Variants in DPP6 observed in about 807,000 individuals in gnomAD.
DPP6 encodes the protein dipeptidyl peptidase like 6, also known as A-type potassium channel modulatory protein DPP6.
In DPP6, 69 loss-of-function variants were observed where a neutral mutation model predicts 122.6. The ratio of observed to expected loss-of-function variants is 0.56; its 90% CI spans 0.46 to 0.69. DPP6 has a LOEUF of 0.69. Among genes scored for constraint, DPP6 ranks in the 30% least tolerant of loss-of-function variants. DPP6 has a pLI of 0.00. For synonymous variants in DPP6, 418 were observed against 433.1 expected (o/e 0.97, Z 0.43); for missense variants, 928 against 1,116.9 (o/e 0.83, Z 2.41).
At chr7:154,587,309 G>A (rs78982407) in intron 5 of DPP6, 3,767 of 324,936 alleles carry the variant, frequency 0.012, 34 homozygotes, top group Non-Finnish European at 0.015. Flanking sequence ...GCTAAATTGG[G>A]TGATCTGCCT....
intron 1 of DPP6, among the ~76,000 whole-genome samples, chr7:154,107,137 A>G (rs1806222474): frequency 2.0e-5 from 3 of 152,198 alleles, no homozygotes; most frequent in African/African-American, 4.8e-5. Context: ...CTGCACTCCC[A>G]TGCTCACTGC....
chr7:154,398,993 G>T (rs1485239652), intron 1 of DPP6, among the ~76,000 whole-genome samples: 1 of 152,190 alleles, frequency 6.6e-6, no homozygotes, highest in Non-Finnish European at 1.5e-5. Flanking sequence ...ACGCCTTTAT[G>T]TAAGCTGTTG....
chr7:153,763,024 G>C, the DPP6 span, among the ~76,000 whole-genome samples: 1 of 152,148 alleles, frequency 6.6e-6, no homozygotes, highest in African/African-American at 2.4e-5. Context: ...GCCGTGCATG[G>C]TCATGAGCAG....
chr7:154,689,990 G>T (rs112490615), intron 7 of DPP6, among the ~76,000 whole-genome samples: 2 of 152,062 alleles, frequency 1.3e-5, no homozygotes, highest in African/African-American at 4.8e-5. Context: ...TACATCTTTC[G>T]CATGTCAAGT....
intron 1 of DPP6, among the ~76,000 whole-genome samples, chr7:153,937,179 C>T (rs1801487304): frequency 6.6e-6 from 1 of 152,144 alleles, no homozygotes; most frequent in Non-Finnish European, 1.5e-5. Flanking sequence ...TAGGGCCACC[C>T]TTAGGATAGC....
At chr7:154,381,407 C>T (rs1813593792) in intron 1 of DPP6, among the ~76,000 whole-genome samples, 1 of 152,208 alleles carries the variant, frequency 6.6e-6, no homozygotes, top group Non-Finnish European at 1.5e-5. Flanking sequence ...AACTCATATA[C>T]ACCTACACAT....
At chr7:154,144,617 A>G (rs964156650) in intron 1 of DPP6, among the ~76,000 whole-genome samples, 6 of 149,408 alleles carry the variant, frequency 4.0e-5, no homozygotes, top group Admixed American at 2.0e-4. Context: ...AAGAATGGCA[A>G]AGTTGAGCAT....
In DPP6 at chr7:154,377,248, CAAG is replaced by C. The variant is rs549573156; in HGVS notation, c.244-68961_244-68959del. On this transcript the variant is annotated intron_variant, in intron 1 of 25. Transcript: ENST00000377770. ...ATGAACAGTGCCGGAGGAAATGTTC[CAAG>C]AAGAGGGAAGAGCAAATTCTAGAAT... 5.9e-5 allele frequency among the ~76,000 whole-genome samples: 9 copies of C among 152,042 alleles called. No individual in the cohort carries two copies. In the South Asian group the frequency reaches 1.9e-3, roughly 32 times the overall value.
At chr7:154,361,603 C>CAAAAAAA (rs34342809) in intron 1 of DPP6, among the ~76,000 whole-genome samples, 2 of 57,980 alleles carry the variant, frequency 3.4e-5, no homozygotes, top group Non-Finnish European at 8.1e-5. Flanking sequence ...AATTGCTAGC[C>CAAAAAAA]AAAAAAAAAA....
intron 4 of DPP6, among the ~76,000 whole-genome samples, chr7:154,549,558 C>T (rs1383518353): frequency 4.6e-5 from 7 of 152,254 alleles, no homozygotes; most frequent in African/African-American, 1.7e-4. Context: ...TGGAAGTTTG[C>T]CAAATGTGAC....
chr7:154,608,278 T>A (rs945077194), intron 5 of DPP6, among the ~76,000 whole-genome samples: 1 of 142,864 alleles, frequency 7.0e-6, no homozygotes, highest in African/African-American at 2.5e-5. Context: ...GTGCCCCACC[T>A]AGTTTTTTCT....
In DPP6 at chr7:154,637,825, A is replaced by G. The variant is rs2130925219; in HGVS notation, c.632A>G (p.Tyr211Cys). 1 of 1,579,884 alleles carries G rather than the reference A, an allele frequency of 6.3e-7. No homozygotes were observed. Among genetic ancestry groups the G allele is most frequent in the Non-Finnish European group, 8.6e-7 (1 of 1,161,386 alleles). ...TTTCCTTTTTGTCTGTTGCAGATATATCAACACTCGTATACTGGATATTAC... is the reference window on the plus strand; with the variant it reads ...TTTCCTTTTTGTCTGTTGCAGATATGTCAACACTCGTATACTGGATATTAC... The part of the protein sequence containing the change: ...ALFSYNVEPI[Y>C]QHSYTGYYVL... Residue 211 changes from tyrosine to cysteine, a missense_variant, in exon 6 of 26, where the codon TAT becomes TGT. Transcript: ENST00000377770.
At chr7:153,952,773 A>T (rs1359580341) in intron 1 of DPP6, among the ~76,000 whole-genome samples, 4 of 152,212 alleles carry the variant, frequency 2.6e-5, no homozygotes, top group African/African-American at 9.7e-5. Context: ...ATCCTTCACT[A>T]TGAGAACTTG....
intron 16 of DPP6, among the ~76,000 whole-genome samples, chr7:154,817,346 C>T (rs1413863759): frequency 6.6e-6 from 1 of 151,988 alleles, no homozygotes; most frequent in Non-Finnish European, 1.5e-5. Flanking sequence ...TCATGAAAGT[C>T]GTAAGCGATT....
rs1378129922 is a variant in DPP6 at position 154,833,799 on chromosome 7, A to G, written c.1667-19981A>G. 1.3e-5 allele frequency among the ~76,000 whole-genome samples: 2 copies of G among 152,232 alleles called. No individual in the cohort carries two copies. The highest frequency in any genetic ancestry group is 2.9e-5 in the Non-Finnish European group (2 of 68,046). On this transcript the variant is annotated intron_variant, in intron 16 of 25. Transcript: ENST00000377770. The surrounding 1 kb of genome is among the most constrained non-coding windows in gnomAD (Gnocchi z 4.3). ...CTAAAATGACCAAAGATTCTCATAGACAAAGGAAATTTAAGGACAAAGGAA... is the reference window on the plus strand; with the variant it reads ...CTAAAATGACCAAAGATTCTCATAGGCAAAGGAAATTTAAGGACAAAGGAA...
chr7:153,988,898 T>G (rs1796986167), intron 1 of DPP6, among the ~76,000 whole-genome samples: 1 of 149,092 alleles, frequency 6.7e-6, no homozygotes, highest in Admixed American at 6.7e-5. Context: ...CGGTGATGTA[T>G]GGAAGTCAGG....
intron 1 of DPP6, among the ~76,000 whole-genome samples, chr7:154,056,999 G>A (rs1020397038): frequency 9.9e-5 from 15 of 152,284 alleles, no homozygotes; most frequent in Non-Finnish European, 2.1e-4. Context: ...CCAGTGCTTG[G>A]TGTACTCACC....
chr7:154,732,920 G>T (rs1464264823), intron 8 of DPP6, among the ~76,000 whole-genome samples: 1 of 152,144 alleles, frequency 6.6e-6, no homozygotes, highest in Admixed American at 6.5e-5. Flanking sequence ...AGGAGTAGCT[G>T]CTGGGAAGTC....
intron 3 of DPP6, among the ~76,000 whole-genome samples, chr7:154,505,093 A>G (rs1586480324): frequency 6.6e-6 from 1 of 152,186 alleles, no homozygotes; most frequent in African/African-American, 2.4e-5. Context: ...CAGCATCTGG[A>G]AAGTCTAAAT....
Sources: gnomAD v4.1 joint callset for allele counts (sites outside exome capture counted in the v4.1 genomes callset) on GRCh38, gnomAD v4.1.1 for gene constraint, Gnocchi (gnomAD v3.1) non-coding constraint, MANE v1.5 for transcripts, NCBI Gene and HGNC (gene_info 2026-07-23, HGNC 2026-07-21) for gene names.